Variants in PLCB1 observed in about 807,000 individuals in gnomAD.
PLCB1 encodes the protein phospholipase C beta 1.
A neutral mutation model predicts 161.8 loss-of-function variants in PLCB1; 46 were observed. The observed-to-expected ratio is 0.28, with a 90% confidence interval of 0.22 to 0.36. The LOEUF (loss-of-function observed/expected upper bound fraction) is 0.36. Among genes scored for constraint, PLCB1 ranks in the 10% least tolerant of loss-of-function variants. PLCB1 has a pLI of 1.00. For missense variants in PLCB1, 1,016 were observed against 1,472.5 expected (o/e 0.69, Z 5.07); for synonymous variants, 517 against 503.7 (o/e 1.03, Z -0.35).
intron 3 of PLCB1, among the ~76,000 whole-genome samples, chr20:8,548,362 C>T (rs1320123317): frequency 6.9e-6 from 1 of 143,920 alleles, no homozygotes; most frequent in Admixed American, 7.1e-5. Flanking sequence ...TTTTGTCTCT[C>T]TCCTTCTTTC....
rs1301416775 is a variant in PLCB1 at position 8,167,782 on chromosome 20, G to A, written c.177+17411G>A. Among the ~76,000 whole-genome samples, 3 of 152,212 alleles carry A rather than the reference G, an allele frequency of 2.0e-5. No individual in the cohort carries two copies. In the East Asian group the frequency reaches 5.8e-4, roughly 29 times the overall value. Reference sequence around the variant, plus strand: ...AGAACAAAGACATTAGTCAGCTTTTGTGGTGTAGCAAACCACCCCAAAACT... The same window carrying A: ...AGAACAAAGACATTAGTCAGCTTTTATGGTGTAGCAAACCACCCCAAAACT... On this transcript the variant is annotated intron_variant, in intron 2 of 31. Coordinates refer to ENST00000338037, the MANE Select transcript of PLCB1 (RefSeq NM_015192.4).
intron 3 of PLCB1, among the ~76,000 whole-genome samples, chr20:8,523,496 C>CTCTCTCTCTATATATA: frequency 3.9e-5 from 2 of 51,656 alleles, no homozygotes; most frequent in African/African-American, 8.2e-5. Flanking sequence ...CTCTCTCTCT[C>CTCTCTCTCTATATATA]TATATATATA....
chr20:8,291,408 G>A (rs1255879683), intron 2 of PLCB1, among the ~76,000 whole-genome samples: 1 of 152,108 alleles, frequency 6.6e-6, no homozygotes, highest in Admixed American at 6.6e-5. Context: ...TGGGCTCAAG[G>A]TCCAAGAACA....
intron 2 of PLCB1, among the ~76,000 whole-genome samples, chr20:8,258,987 A>G (rs1401299203): frequency 6.6e-6 from 1 of 152,182 alleles, no homozygotes; most frequent in African/African-American, 2.4e-5. Context: ...TCTGGCAACC[A>G]CAGATTTGTT....
At chr20:8,339,182 G>A (rs1985705962) in intron 2 of PLCB1, among the ~76,000 whole-genome samples, 1 of 152,162 alleles carries the variant, frequency 6.6e-6, no homozygotes, top group Admixed American at 6.6e-5. Context: ...GACTTACTGA[G>A]TCATGGAGCA....
At chr20:8,213,036 T>C (rs1978918120) in intron 2 of PLCB1, among the ~76,000 whole-genome samples, 1 of 152,120 alleles carries the variant, frequency 6.6e-6, no homozygotes, top group South Asian at 2.1e-4. Flanking sequence ...CCTCTTCAGG[T>C]ACCTTTGAGA....
At chr20:8,460,931 T>C (rs1214207307) in intron 3 of PLCB1, among the ~76,000 whole-genome samples, 2 of 152,188 alleles carry the variant, frequency 1.3e-5, no homozygotes. Flanking sequence ...CAGTGCTGTC[T>C]AATAGAACTT....
At chr20:8,242,160 G>T (rs1388287830) in intron 2 of PLCB1, among the ~76,000 whole-genome samples, 1 of 151,666 alleles carries the variant, frequency 6.6e-6, no homozygotes, top group East Asian at 2.0e-4. Flanking sequence ...ACATGTTTCT[G>T]TTGTTGTTGT....
chr20:8,625,629 A>T (rs1395079893), intron 3 of PLCB1, among the ~76,000 whole-genome samples: 3 of 152,240 alleles, frequency 2.0e-5, no homozygotes, highest in Admixed American at 2.0e-4. Flanking sequence ...TACATTCAGA[A>T]CTATATGGTT....
At chr20:8,729,315 C>G in intron 18 of PLCB1, 141 bp downstream of exon 18, 1 of 599,716 alleles carries the variant, frequency 1.7e-6, no homozygotes, top group Non-Finnish European at 2.6e-6. Context: ...AAGGGAATAT[C>G]AATGCATAAA....
chr20:8,669,159 TATTC>T (rs1378362224), intron 9 of PLCB1, among the ~76,000 whole-genome samples: 1 of 152,242 alleles, frequency 6.6e-6, no homozygotes, highest in African/African-American at 2.4e-5. Context: ...ATCTAGCTAA[TATTC>T]ATTCATTCGT....
chr20:8,509,324 C>T (rs1011501993), intron 3 of PLCB1, among the ~76,000 whole-genome samples: 2 of 152,188 alleles, frequency 1.3e-5, no homozygotes, highest in Admixed American at 1.3e-4. Flanking sequence ...CAGGAGAGCG[C>T]ATCCGAGCAT....
intron 2 of PLCB1, among the ~76,000 whole-genome samples, chr20:8,309,013 G>A (rs995054699): frequency 5.9e-5 from 9 of 151,464 alleles, no homozygotes; most frequent in Admixed American, 5.9e-4. Flanking sequence ...AGTATTATTG[G>A]GGGAAAAAAA....
At chr20:8,519,525 T>G (rs1024239687) in intron 3 of PLCB1, among the ~76,000 whole-genome samples, 1 of 152,108 alleles carries the variant, frequency 6.6e-6, no homozygotes, top group Non-Finnish European at 1.5e-5. Context: ...CTCTCCCCCA[T>G]AGTGATTGAC....
chr20:8,171,996 A>AT (rs200693195), intron 2 of PLCB1, among the ~76,000 whole-genome samples: 2,068 of 151,642 alleles, frequency 0.014, 58 homozygotes, highest in African/African-American at 0.046. Context: ...GTTCTAGTGC[A>AT]TTTTTTTTCA....
intron 2 of PLCB1, among the ~76,000 whole-genome samples, chr20:8,180,870 T>A (rs1227543311): frequency 6.6e-6 from 1 of 152,092 alleles, no homozygotes; most frequent in Non-Finnish European, 1.5e-5. Flanking sequence ...CCACAGGAAA[T>A]ACTTATGAGA....
At chr20:8,525,244 C>T (rs1046194783) in intron 3 of PLCB1, among the ~76,000 whole-genome samples, 1 of 118,528 alleles carries the variant, frequency 8.4e-6, no homozygotes, top group Admixed American at 8.2e-5. Context: ...CTTCTTAACC[C>T]ATATATATAG....
intron 24 of PLCB1, among the ~76,000 whole-genome samples, chr20:8,760,193 C>T (rs529160074): frequency 6.6e-6 from 1 of 152,284 alleles, no homozygotes; most frequent in African/African-American, 2.4e-5. Flanking sequence ...GAATGAGCCA[C>T]TGCACCTGGC....
chr20:8,270,206 T>G (rs2123261686), intron 2 of PLCB1, among the ~76,000 whole-genome samples: 1 of 152,294 alleles, frequency 6.6e-6, no homozygotes, highest in East Asian at 1.9e-4. Flanking sequence ...AGAGTACCTG[T>G]GTGTGCAAAG....
Sources: gnomAD v4.1 joint callset for allele counts (sites outside exome capture counted in the v4.1 genomes callset) on GRCh38, gnomAD v4.1.1 for gene constraint, MANE v1.5 for transcripts, NCBI Gene and HGNC (gene_info 2026-07-23, HGNC 2026-07-21) for gene names.